DNAH11: variants seen among roughly 807,000 people sequenced by gnomAD.
DNAH11 encodes the protein dynein axonemal heavy chain 11.
DNAH11 carries 442 observed loss-of-function variants against 526.0 expected under a neutral mutation model. The observed-to-expected ratio is 0.84, with a 90% CI of 0.78 to 0.91. The LOEUF (loss-of-function observed/expected upper bound fraction) is 0.91, where lower values mean the gene tolerates loss of function less well. Among genes scored for constraint, DNAH11 ranks in the 40% least tolerant of loss-of-function variants. DNAH11 has a pLI of 0.00. For missense variants in DNAH11, 6,989 were observed against 5,448.7 expected, an observed-to-expected ratio of 1.28 and a Z score of -8.90; for synonymous variants, 2,461 against 1,935.9, an observed-to-expected ratio of 1.27 and a Z score of -7.12.
At chr7:21,663,601 G>T (rs1008186958) in intron 30 of DNAH11, among the ~76,000 whole-genome samples, 1 of 151,804 alleles carries the variant, frequency 6.6e-6, no homozygotes, top group African/African-American at 2.4e-5. Context: ...GATGTCCTTT[G>T]GTTTTTGTAT....
At chr7:21,868,050 C>G in intron 72 of DNAH11, 43 bp downstream of exon 72, 2 of 1,425,642 alleles carry the variant, frequency 1.4e-6, no homozygotes, top group Non-Finnish European at 1.8e-6. Context: ...TTCTCCCTCC[C>G]TCCCTTTCAC....
At chr7:21,860,927 G>C (rs1336215476) in intron 68 of DNAH11, among the ~76,000 whole-genome samples, 1 of 152,114 alleles carries the variant, frequency 6.6e-6, no homozygotes, top group Non-Finnish European at 1.5e-5. Flanking sequence ...AAAACCATCA[G>C]ATCTCATGAG....
At chr7:21,637,285 T>G (rs1315936783) in intron 26 of DNAH11, among the ~76,000 whole-genome samples, 1 of 152,050 alleles carries the variant, frequency 6.6e-6, no homozygotes, top group Non-Finnish European at 1.5e-5. Flanking sequence ...CTCTTCTTTT[T>G]CCTCTTCCCA....
At chr7:21,672,566 C>T (rs4719671) in intron 30 of DNAH11, among the ~76,000 whole-genome samples, 80,968 of 152,074 alleles carry the variant, frequency 0.53, 21,874 homozygotes, top group Admixed American at 0.67. Flanking sequence ...GGGTTACAGG[C>T]ATGAGCCACC....
intron 73 of DNAH11, among the ~76,000 whole-genome samples, chr7:21,869,743 A>C (rs923607956): frequency 6.6e-6 from 1 of 152,192 alleles, no homozygotes; most frequent in East Asian, 1.9e-4. Flanking sequence ...CTCTGCCCCT[A>C]CCTAGTGTGT....
At chr7:21,782,307 A>G (rs1020922013) in intron 57 of DNAH11, among the ~76,000 whole-genome samples, 1 of 152,002 alleles carries the variant, frequency 6.6e-6, no homozygotes, top group South Asian at 2.1e-4. Context: ...ACTCCCTGCA[A>G]CTCTTCTCCT....
rs886062190 is a variant in DNAH11 at position 21,901,402 on chromosome 7, GA to G, written c.*155del. ...AACGCTATCCTTAGAGTGAAAGTCA[GA>G]AAAAAATACTAGAAACTAACTCAGG... On this transcript the variant is annotated 3_prime_UTR_variant, in exon 82 of 82. Transcript: ENST00000409508. 2 of 1,154,606 alleles carry G rather than the reference GA, an allele frequency of 1.7e-6. No homozygotes were observed. The highest frequency in any genetic ancestry group is 2.9e-5 in the East Asian group (1 of 34,024). 71.5% of individuals were successfully genotyped at this position (1,154,606 alleles called of 1,614,324 possible).
chr7:21,895,136 C>G, intron 79 of DNAH11, 137 bp downstream of exon 79: 2 of 703,850 alleles, frequency 2.8e-6, no homozygotes, highest in Non-Finnish European at 4.7e-6. Flanking sequence ...AAAATTCTTC[C>G]ACCAATTTCA....
chr7:21,900,949 A>C (rs1330774346), intron 81 of DNAH11, 58 bp from the exon 82 acceptor site: 2 of 1,502,292 alleles, frequency 1.3e-6, no homozygotes, highest in South Asian at 1.4e-5. Context: ...AACTTACTTG[A>C]TCATTATCAT....
At chr7:21,869,707 T>G (rs550906957) in intron 73 of DNAH11, among the ~76,000 whole-genome samples, 63 of 152,340 alleles carry the variant, frequency 4.1e-4, no homozygotes, top group Non-Finnish European at 6.5e-4. Context: ...GGCTCCTGCA[T>G]CAATCATTAT....
intron 55 of DNAH11, among the ~76,000 whole-genome samples, chr7:21,771,474 T>G (rs1787431866): frequency 6.6e-6 from 1 of 152,214 alleles, no homozygotes. Flanking sequence ...GAGATCTGTT[T>G]ATGTTTTTGT....
intron 9 of DNAH11, among the ~76,000 whole-genome samples, chr7:21,587,315 C>A (rs1173214597): frequency 6.6e-6 from 1 of 152,134 alleles, no homozygotes; most frequent in Non-Finnish European, 1.5e-5. Flanking sequence ...TCGACTCCTG[C>A]TTTGCTGGTC....
At chr7:21,809,538 TTTTTG>T (rs919824418) in intron 63 of DNAH11, among the ~76,000 whole-genome samples, 6 of 152,020 alleles carry the variant, frequency 3.9e-5, no homozygotes, top group African/African-American at 7.2e-5. Flanking sequence ...TGATTTTTGG[TTTTTG>T]TTTTGTTTTT....
rs1788024307 is a variant in DNAH11 at position 21,783,109 on chromosome 7, C to T, written c.9484-1318C>T. Reference sequence around the variant, plus strand: ...TAAACCTGAGATGATAACTCCTTCACTCACATAAACTCTTTTATCTGTAGC... The same window carrying T: ...TAAACCTGAGATGATAACTCCTTCATTCACATAAACTCTTTTATCTGTAGC... On this transcript the variant is annotated intron_variant, in intron 57 of 81. Transcript: ENST00000409508. Among the ~76,000 whole-genome samples the T allele has an allele frequency of 2.0e-5, 3 of 152,248 alleles. No individual in the cohort carries two copies. In the South Asian group the frequency reaches 6.2e-4, roughly 32 times the overall value.
chr7:21,776,163 C>T (rs1787664520), intron 56 of DNAH11, among the ~76,000 whole-genome samples: 1 of 152,160 alleles, frequency 6.6e-6, no homozygotes, highest in Non-Finnish European at 1.5e-5. Context: ...AAGTCCAGGG[C>T]TGCTTGGGTC....
chr7:21,845,069 T>A (rs1229932826), intron 66 of DNAH11, among the ~76,000 whole-genome samples: 2 of 152,176 alleles, frequency 1.3e-5, no homozygotes, highest in African/African-American at 4.8e-5. Context: ...AAATAGTATT[T>A]TTTTTTTATG....
intron 65 of DNAH11, among the ~76,000 whole-genome samples, chr7:21,839,574 CA>C (rs112866262): frequency 0.021 from 2,831 of 132,492 alleles, 88 homozygotes; most frequent in African/African-American, 0.069. Flanking sequence ...GACTCCGTTT[CA>C]AAAAAAAAAA....
chr7:21,625,353 G>C (rs1442656958), intron 25 of DNAH11, among the ~76,000 whole-genome samples: 1 of 152,062 alleles, frequency 6.6e-6, no homozygotes, highest in Non-Finnish European at 1.5e-5. Context: ...TGTCGTATCA[G>C]TTGTAATAAC....
chr7:21,820,878 A>C (rs1436038911), intron 65 of DNAH11, among the ~76,000 whole-genome samples: 1 of 152,200 alleles, frequency 6.6e-6, no homozygotes, highest in African/African-American at 2.4e-5. Flanking sequence ...ACTCTTGGGC[A>C]CACTGGAAGC....
Sources: gnomAD v4.1 joint callset for allele counts (sites outside exome capture counted in the v4.1 genomes callset) on GRCh38, gnomAD v4.1.1 for gene constraint, MANE v1.5 for transcripts, NCBI Gene and HGNC (gene_info 2026-07-23, HGNC 2026-07-21) for gene names.